Variants in ZNF385C observed in about 807,000 individuals in gnomAD.
ZNF385C encodes zinc finger protein 385C, also known as CTD-2132N18.2.
A neutral mutation model predicts 35.4 loss-of-function variants in ZNF385C; 28 were observed. The observed-to-expected ratio is 0.79, with a 90% CI of 0.59 to 1.08. ZNF385C has a LOEUF of 1.08. Ranked by LOEUF, ZNF385C falls within the 50% of genes least tolerant of loss-of-function variation. ZNF385C has a pLI of 0.00. For missense variants in ZNF385C, 605 were observed against 595.6 expected, an observed-to-expected ratio of 1.02 and a Z score of -0.16; for synonymous variants, 248 against 248.2, an observed-to-expected ratio of 1.00 and a Z score of 0.01.
chr17:42,030,177 G>A (rs1430426303), intron 5 of ZNF385C, among the ~76,000 whole-genome samples: 1 of 152,056 alleles, frequency 6.6e-6, no homozygotes, highest in Non-Finnish European at 1.5e-5. Flanking sequence ...GTTGATGAAT[G>A]TTTGTGAGAG....
intron 1 of ZNF385C, among the ~76,000 whole-genome samples, chr17:42,090,835 T>A (rs1555660487): frequency 6.6e-6 from 1 of 151,688 alleles, no homozygotes; most frequent in African/African-American, 2.4e-5. Context: ...TGAGCCGAGA[T>A]CCTGCCACTG....
chr17:42,057,820 G>C (rs1187056204), intron 2 of ZNF385C, among the ~76,000 whole-genome samples: 1 of 152,120 alleles, frequency 6.6e-6, no homozygotes, highest in Non-Finnish European at 1.5e-5. Context: ...GCAGGTGCCT[G>C]TAATCCCAGC....
intron 2 of ZNF385C, among the ~76,000 whole-genome samples, chr17:42,048,710 C>T (rs749859463): frequency 2.6e-5 from 4 of 152,106 alleles, no homozygotes; most frequent in Non-Finnish European, 4.4e-5. Context: ...GTTGATTCTT[C>T]CTCCAAAATC....
chr17:42,033,977 G>GA (rs1315542030), intron 4 of ZNF385C, among the ~76,000 whole-genome samples: 1 of 139,408 alleles, frequency 7.2e-6, no homozygotes, highest in Admixed American at 6.8e-5. Context: ...AGAGAGGCCT[G>GA]GGGGGAAGGA....
chr17:42,028,940 G>A lies in ZNF385C; in HGVS notation c.810C>T (p.Ser270=), dbSNP rs1555654687. Residue 270 remains serine, a synonymous_variant, in exon 6 of 9, where the codon TCC becomes TCT. Coordinates refer to ENST00000692273, the MANE Select transcript of ZNF385C (RefSeq NM_001392013.1). ...CCGGTGCCTCTCTCCCAGGCTCTGG[G>A]GAGCAAGGTGGGCAGGAGGAAGAAG... is the stretch of plus-strand genomic sequence containing the variant. ...SSSSSSCPPC[S]PEPGREAPGP... The A allele has an allele frequency of 6.4e-7, 1 of 1,550,620 alleles. No individual in the cohort carries two copies. Among genetic ancestry groups the A allele is most frequent in the Non-Finnish European group, 8.7e-7 (1 of 1,147,006 alleles).
intron 1 of ZNF385C, 129 bp from the exon 2 acceptor site, chr17:42,063,187 G>A (rs560219703): frequency 4.8e-5 from 23 of 478,906 alleles, no homozygotes; most frequent in East Asian, 4.5e-4. Flanking sequence ...GCCCCAGCCC[G>A]AGGATGGTGG....
intron 1 of ZNF385C, among the ~76,000 whole-genome samples, chr17:42,086,476 C>A (rs575353955): frequency 6.6e-6 from 1 of 151,988 alleles, no homozygotes; most frequent in Admixed American, 6.6e-5. Context: ...CCAAGGCAGG[C>A]GGATCACCTG....
intron 1 of ZNF385C, among the ~76,000 whole-genome samples, chr17:42,069,586 C>G (rs1555658642): frequency 2.0e-5 from 3 of 152,234 alleles, no homozygotes. Context: ...GAAGGGTTCC[C>G]TCCTCAAACC....
In ZNF385C at chr17:42,026,733, CT is replaced by C. The variant is rs782447238; in HGVS notation, c.*163del. The stretch of plus-strand genomic sequence containing the variant: ...CTGCGAAAGGAGGGTGGGGACAGTC[CT>C]TGGAAGGCAGCTGCCCTTAAAACTA... On this transcript the variant is annotated 3_prime_UTR_variant, in exon 9 of 9. Coordinates refer to ENST00000692273, the MANE Select transcript of ZNF385C (RefSeq NM_001392013.1). 26 of 732,202 alleles carry C rather than the reference CT, an allele frequency of 3.6e-5. No individual in the cohort carries two copies. The highest frequency in any genetic ancestry group is 6.0e-5 in the Non-Finnish European group (25 of 419,080). The allele number at this position is 732,202 out of a possible 1,614,324, so 45.4% of individuals were successfully genotyped here.
In ZNF385C at chr17:42,050,778, A is replaced by AC. The variant is rs1332350429; in HGVS notation, c.250+12028dup. Among the ~76,000 whole-genome samples the AC allele has an allele frequency of 4.7e-5, 7 of 149,228 alleles. No individual in the cohort carries two copies. The highest frequency in any genetic ancestry group is 4.3e-4 in the South Asian group (2 of 4,624). On this transcript the variant is annotated intron_variant, in intron 2 of 8. Coordinates refer to ENST00000692273, the MANE Select transcript of ZNF385C (RefSeq NM_001392013.1). This position sits in a 1 kb window ranked among gnomAD's most constrained non-coding sequence, Gnocchi z 5.6. ...GCGCGCTCAGCCCGGCCCCGGCCCC[A>AC]CCCCCCAGCCCCTGCCGCCCCACGC...
intron 5 of ZNF385C, among the ~76,000 whole-genome samples, chr17:42,029,447 G>A (rs571375932): frequency 2.6e-5 from 4 of 152,306 alleles, no homozygotes; most frequent in East Asian, 1.9e-4. Flanking sequence ...GGCTGGATAC[G>A]GTGGCTCATG....
intron 2 of ZNF385C, among the ~76,000 whole-genome samples, chr17:42,047,024 G>A (rs542965960): frequency 6.7e-4 from 78 of 116,172 alleles, no homozygotes; most frequent in African/African-American, 7.2e-4. Context: ...CGCCATGCCC[G>A]GCTAATTTTT....
At chr17:42,047,125 G>A (rs1555656684) in intron 2 of ZNF385C, among the ~76,000 whole-genome samples, 1 of 150,654 alleles carries the variant, frequency 6.6e-6, no homozygotes, top group African/African-American at 2.5e-5. Flanking sequence ...CCCACCTCCC[G>A]GGTTCACGCC....
intron 1 of ZNF385C, among the ~76,000 whole-genome samples, chr17:42,069,315 C>T (rs1555658624): frequency 6.6e-6 from 1 of 152,130 alleles, no homozygotes; most frequent in Non-Finnish European, 1.5e-5. Context: ...GGTCCCATCT[C>T]CACCACTTCT....
chr17:42,064,416 T>G (rs1555658304), intron 1 of ZNF385C, among the ~76,000 whole-genome samples: 1 of 152,236 alleles, frequency 6.6e-6, no homozygotes, highest in East Asian at 1.9e-4. Flanking sequence ...TCTCCTGTTA[T>G]GGACTGAAGT....
chr17:42,034,098 G>T (rs1255784901), intron 4 of ZNF385C, 127 bp downstream of exon 4: 21 of 750,688 alleles, frequency 2.8e-5, no homozygotes, highest in South Asian at 2.3e-4. Context: ...CTGCAGCCAG[G>T]GTGGAAAATA....
intron 2 of ZNF385C, chr17:42,040,464 C>T (rs1454826099): frequency 9.7e-6 from 12 of 1,232,092 alleles, no homozygotes; most frequent in Middle Eastern, 6.2e-4. Flanking sequence ...AGGCCAAGTC[C>T]GGCTCTTCTG....
chr17:42,096,789 G>A (rs1365598824), intron 1 of ZNF385C, among the ~76,000 whole-genome samples: 3 of 151,898 alleles, frequency 2.0e-5, no homozygotes, highest in African/African-American at 4.8e-5. Flanking sequence ...TGCCTTGGGC[G>A]GGGGCGGGGG....
At chr17:42,040,607 C>T in intron 2 of ZNF385C, 1 of 1,232,364 alleles carries the variant, frequency 8.1e-7, no homozygotes, top group Non-Finnish European at 1.0e-6. Flanking sequence ...GCTGCAGCCT[C>T]CAGGGTGGGC....
Sources: gnomAD v4.1 joint callset for allele counts (sites outside exome capture counted in the v4.1 genomes callset) on GRCh38, gnomAD v4.1.1 for gene constraint, Gnocchi (gnomAD v3.1) non-coding constraint, MANE v1.5 for transcripts, NCBI Gene and HGNC (gene_info 2026-07-23, HGNC 2026-07-21) for gene names.